SPON2: variants seen among roughly 807,000 people sequenced by gnomAD.
SPON2 encodes the protein spondin-2.
Under a neutral mutation model 29.9 loss-of-function variants are expected in SPON2, and 32 were observed. The ratio of observed to expected loss-of-function variants is 1.07; its 90% CI spans 0.81 to 1.44. The LOEUF is 1.44. SPON2 is among the 40% of genes most tolerant of loss of function. The probability of loss-of-function intolerance (pLI) is 0.00; values close to 1 mark genes in which losing one functional copy is unlikely to be tolerated. For missense variants in SPON2, 541 were observed against 455.5 expected (o/e 1.19, Z -1.71); for synonymous variants, 248 against 209.1 (o/e 1.19, Z -1.61).
upstream of SPON2, chr4:1,200,017 T>C (rs1307841845): frequency 6.6e-6 from 1 of 152,066 alleles, no homozygotes; most frequent in Non-Finnish European, 1.5e-5. Context: ...TGAAATCACC[T>C]CCAGTTATTC....
chr4:1,205,099 C>T (rs919162892), intron 1 of SPON2: 1 of 152,526 alleles, frequency 6.6e-6, no homozygotes, highest in Non-Finnish European at 1.5e-5. Flanking sequence ...GGCTGTGAGG[C>T]CTGGCCTGTC....
chr4:1,170,953 C>A, intron 4 of SPON2, 46 bp downstream of exon 4: 4 of 1,545,212 alleles, frequency 2.6e-6, no homozygotes, highest in Non-Finnish European at 3.5e-6. Flanking sequence ...CCCGTCCCCA[C>A]CGCGGGGGCC....
chr4:1,193,662 T>C (rs1164207574), intron 1 of SPON2, among the ~76,000 whole-genome samples: 2 of 6,660 alleles, frequency 3.0e-4, no homozygotes, highest in African/African-American at 8.0e-4. Flanking sequence ...ATGGGAAGGA[T>C]GTGGGGGGTG....
intron 1 of SPON2, among the ~76,000 whole-genome samples, chr4:1,180,368 TTAA>T (rs1224869697): frequency 4.6e-5 from 7 of 152,130 alleles, no homozygotes; most frequent in African/African-American, 1.4e-4. Flanking sequence ...TTCAGAAAAG[TTAA>T]TAATAAACTA....
intron 1 of SPON2, among the ~76,000 whole-genome samples, chr4:1,187,766 TG>T (rs1727832447): frequency 6.6e-6 from 1 of 152,206 alleles, no homozygotes; most frequent in Admixed American, 6.5e-5. Context: ...ACACATCATT[TG>T]ACTACCAGCA....
At chr4:1,172,371 G>A in intron 1 of SPON2, 173 bp downstream of exon 1, 3 of 522,786 alleles carry the variant, frequency 5.7e-6, no homozygotes, top group Non-Finnish European at 1.0e-5. Context: ...TGCCTTCGCC[G>A]TCGCAGGGAC....
At chr4:1,201,544 A>G (rs1728204981) in intron 1 of SPON2, 1 of 158,892 alleles carries the variant, frequency 6.3e-6, no homozygotes, top group South Asian at 1.6e-4. Context: ...AGTGCCTGCC[A>G]CACTGAGGTC....
intron 1 of SPON2, among the ~76,000 whole-genome samples, chr4:1,186,485 G>A (rs921276150): frequency 6.6e-6 from 1 of 152,036 alleles, no homozygotes; most frequent in African/African-American, 2.4e-5. Flanking sequence ...TTGTATTTTA[G>A]TAGAGACGGG....
At chr4:1,184,844 G>A (rs1356168783) in intron 1 of SPON2, among the ~76,000 whole-genome samples, 2 of 151,518 alleles carry the variant, frequency 1.3e-5, no homozygotes, top group African/African-American at 4.9e-5. Context: ...GGCTGAGGCA[G>A]GAGAATCACT....
chr4:1,193,752 G>GGC (rs1727967224), intron 1 of SPON2, among the ~76,000 whole-genome samples: 1 of 3,550 alleles, frequency 2.8e-4, no homozygotes, highest in Admixed American at 2.1e-3. Context: ...CGTGGGGGGT[G>GGC]GTGTGGGAAG....
chr4:1,197,606 A>G (rs1045785146), upstream of SPON2, among the ~76,000 whole-genome samples: 1 of 143,616 alleles, frequency 7.0e-6, no homozygotes, highest in Non-Finnish European at 1.5e-5. Context: ...GAATGAGAAC[A>G]ATAAAGTGCA....
chr4:1,184,793 C>T (rs370810791), intron 1 of SPON2, among the ~76,000 whole-genome samples: 74 of 151,852 alleles, frequency 4.9e-4, no homozygotes, highest in African/African-American at 1.0e-3. Context: ...AAAAATTAGC[C>T]GGGTGTCATA....
chr4:1,170,956 CG>C, intron 4 of SPON2, 42 bp downstream of exon 4: 2 of 1,545,632 alleles, frequency 1.3e-6, no homozygotes, highest in Non-Finnish European at 1.7e-6. Flanking sequence ...GTCCCCACCG[CG>C]GGGGCCATAG....
At chr4:1,179,129 C>T (rs951377700) in intron 2 of SPON2, among the ~76,000 whole-genome samples, 16 of 151,322 alleles carry the variant, frequency 1.1e-4, no homozygotes, top group African/African-American at 3.9e-4. Context: ...TGCTCATCCC[C>T]CTGCTCTTCT....
rs759854859 is a variant in SPON2, at chr4:1,171,351, C to T, written c.356G>A (p.Ser119Asn). The change falls in exon 3 of 6, where the codon AGC (serine) becomes AAC (asparagine). Residue 119 changes from serine (S) to asparagine (N), a missense_variant. Physicochemically the swap from Ser to Asn is conservative, Grantham distance 46. Transcript: ENST00000290902. ...EIEAAGEALQ[S>N]VHAVFSAPAV... ...GGGCGCCGAAAACACCGCGTGCACG[C>T]TCTGCAGCGCCTCCCCCGCCGCCTC... 2.5e-6 allele frequency: 4 copies of T among 1,610,216 alleles called. No homozygotes were observed. The highest frequency in any genetic ancestry group is 1.7e-4 in the Middle Eastern group (1 of 5,968).
chr4:1,187,424 A>G (rs1438707528), intron 1 of SPON2, among the ~76,000 whole-genome samples: 1 of 152,160 alleles, frequency 6.6e-6, no homozygotes, highest in African/African-American at 2.4e-5. Flanking sequence ...CACAAGATGA[A>G]GTGTTATGGA....
intron 1 of SPON2, among the ~76,000 whole-genome samples, chr4:1,194,154 G>T (rs1237793578): frequency 6.6e-6 from 1 of 152,110 alleles, no homozygotes; most frequent in Admixed American, 6.5e-5. Flanking sequence ...TGCCTATGGG[G>T]AGAGAGACAC....
At position 1,171,277 on chromosome 4, in the gene SPON2, G is replaced by C. The variant is rs776974345; in HGVS notation, c.430C>G (p.Arg144Gly). Residue 144 changes from arginine (R) to glycine (G), a missense_variant, in exon 3 of 6, where the codon CGC (arginine) becomes GGC (glycine). Transcript: ENST00000290902. ...CCCGCGCTCACCAGCGAGTGCCTGC[G>C]CTGCACCTCCAGCTCCGCCGACGTC... is the stretch of plus-strand genomic sequence containing the variant. ...GQTSAELEVQ[R>G]RHSLVSFVVR... 3 of 1,545,104 alleles carry C rather than the reference G, an allele frequency of 1.9e-6. No individual in the cohort carries two copies. Among genetic ancestry groups the C allele is most frequent in the Non-Finnish European group, 2.6e-6 (3 of 1,152,840 alleles).
intron 5 of SPON2, among the ~76,000 whole-genome samples, chr4:1,168,553 C>T (rs1404595127): frequency 2.6e-5 from 4 of 152,356 alleles, no homozygotes; most frequent in African/African-American, 4.8e-5. Flanking sequence ...TTGCAAAGAC[C>T]TTGGGCGCTG....
Sources: allele counts gnomAD v4.1 joint callset (sites outside exome capture counted in the v4.1 genomes callset), GRCh38; gene constraint gnomAD v4.1.1; transcripts MANE v1.5; gene names NCBI Gene and HGNC (gene_info 2026-07-23, HGNC 2026-07-21).